ADGRE1: variants seen among roughly 807,000 people sequenced by gnomAD.
ADGRE1 encodes adhesion G protein-coupled receptor E1, also known as EGF-like module receptor 1.
Under a neutral mutation model 102.7 loss-of-function variants are expected in ADGRE1, and 82 were observed. The ratio of observed to expected loss-of-function variants is 0.80; its 90% confidence interval spans 0.67 to 0.96. The LOEUF (loss-of-function observed/expected upper bound fraction) is 0.96. Ranked by LOEUF, ADGRE1 falls within the 40% of genes least tolerant of loss-of-function variation. ADGRE1 has a pLI of 0.00. For synonymous variants in ADGRE1, 398 were observed against 399.6 expected (o/e 1.00, Z 0.05); for missense variants, 1,032 against 1,085.3 (o/e 0.95, Z 0.69).
At chr19:6,927,758 T>C (rs1974980586) in intron 16 of ADGRE1, among the ~76,000 whole-genome samples, 1 of 151,866 alleles carries the variant, frequency 6.6e-6, no homozygotes, top group African/African-American at 2.4e-5. Context: ...ACCTCCTGGG[T>C]TCAAGCGATT....
chr19:6,909,883 C>T (rs917633089), intron 10 of ADGRE1, among the ~76,000 whole-genome samples: 10 of 152,130 alleles, frequency 6.6e-5, no homozygotes, highest in Middle Eastern at 3.4e-3. Flanking sequence ...TACAGGCATG[C>T]GCCACCATGC....
At chr19:6,889,659 A>T (rs1193224711) in intron 1 of ADGRE1, among the ~76,000 whole-genome samples, 1 of 141,588 alleles carries the variant, frequency 7.1e-6, no homozygotes, top group African/African-American at 2.7e-5. Context: ...ACTGCACTCC[A>T]GCCTGGTGAC....
At chr19:6,939,270 G>GATATATGTATATA (rs1975573199) in intron 20 of ADGRE1, among the ~76,000 whole-genome samples, 1 of 152,176 alleles carries the variant, frequency 6.6e-6, no homozygotes. Flanking sequence ...GAAAAAGACA[G>GATATATGTATATA]TATAGGTATA....
chr19:6,910,777 T>C (rs1974148700), intron 10 of ADGRE1, among the ~76,000 whole-genome samples: 1 of 152,074 alleles, frequency 6.6e-6, no homozygotes. Context: ...TTCACCATGT[T>C]GGCCAGGCTG....
At chr19:6,931,315 G>C (rs917146759) in intron 17 of ADGRE1, among the ~76,000 whole-genome samples, 1 of 152,064 alleles carries the variant, frequency 6.6e-6, no homozygotes, top group Non-Finnish European at 1.5e-5. Context: ...TTAATGGGGG[G>C]CATGTATTAA....
chr19:6,898,692 C>G (rs1050291050), intron 5 of ADGRE1: 2 of 968,294 alleles, frequency 2.1e-6, no homozygotes, highest in Admixed American at 2.3e-5. Context: ...TCTCTAGAAA[C>G]TCTATCTCTT....
At chr19:6,902,314 T>C (rs1002856272) in intron 6 of ADGRE1, among the ~76,000 whole-genome samples, 7 of 152,190 alleles carry the variant, frequency 4.6e-5, no homozygotes, top group African/African-American at 1.4e-4. Flanking sequence ...ATAGCACCCA[T>C]GAACAAACAG....
intron 10 of ADGRE1, 43 bp from the exon 11 acceptor site, chr19:6,913,610 T>TGAGA (rs754961038): frequency 1.4e-6 from 2 of 1,471,074 alleles, no homozygotes; most frequent in Non-Finnish European, 1.8e-6. Context: ...ATTTCATTAA[T>TGAGA]GAGAGAGAGA....
Position 6,937,614 on chromosome 19 carries a change from T to C in ADGRE1, c.2621T>C (p.Ile874Thr), listed in dbSNP as rs186352511. The change falls in exon 20 of 21, where the codon ATC (isoleucine) becomes ACC (threonine). Residue 874 changes from isoleucine to threonine, a missense_variant. Transcript: ENST00000312053. ...KPSSQSQTSR[I>T]LLSSMPSASK... ...AGCTCCCAGTCCCAGACCTCAAGGATCTTGCTGTCCTCCATGCCATCCGCT... is the reference window on the plus strand; with the variant it reads ...AGCTCCCAGTCCCAGACCTCAAGGACCTTGCTGTCCTCCATGCCATCCGCT... 46 of 1,613,968 alleles carry C rather than the reference T, an allele frequency of 2.9e-5. No individual in the cohort carries two copies. In the Admixed American group the frequency reaches 6.0e-4, roughly 21 times the overall value.
At position 6,897,234 on chromosome 19, in the gene ADGRE1, T is replaced by C; in HGVS notation, c.324T>C (p.Cys108=). The change falls in exon 4 of 21, where the codon TGT becomes TGC. Residue 108 remains cysteine, a synonymous_variant. Transcript: ENST00000312053. ...TGTCAGGGAGGTACAAGTGCAGCTGTTTAGATGGTTTCTCTTCTCCCACTG... is the reference window on the plus strand; with the variant it reads ...TGTCAGGGAGGTACAAGTGCAGCTGCTTAGATGGTTTCTCTTCTCCCACTG... The part of the protein sequence containing the change: ...KNLSGRYKCS[C]LDGFSSPTGN... The C allele has an allele frequency of 6.2e-7, 1 of 1,613,766 alleles. No homozygotes were observed. Among genetic ancestry groups the C allele is most frequent in the Non-Finnish European group, 8.5e-7 (1 of 1,179,954 alleles).
intron 19 of ADGRE1, 48 bp downstream of exon 19, chr19:6,937,459 C>T (rs572913264): frequency 1.3e-6 from 2 of 1,585,906 alleles, no homozygotes; most frequent in South Asian, 2.2e-5. Flanking sequence ...TCCCCCTCTC[C>T]CCCCTTCCCC....
At chr19:6,928,092 T>C in intron 16 of ADGRE1, 53 bp from the exon 17 acceptor site, 1 of 1,578,836 alleles carries the variant, frequency 6.3e-7, no homozygotes, top group Non-Finnish European at 8.6e-7. Context: ...CAGGGTTAAC[T>C]GTAAGGTCAG....
chr19:6,935,097 T>TC lies in ADGRE1; in HGVS notation c.2381+26dup, dbSNP rs769143262. On this transcript the variant is annotated intron_variant, in intron 18 of 20. Coordinates refer to ENST00000312053, the MANE Select transcript of ADGRE1 (RefSeq NM_001974.5). ...ACACCAGGTAAAGCCCTCTTTCACC[T>TC]CCCCCCCTCTTTTAATTTCCTCTTT... is the stretch of plus-strand genomic sequence containing the variant. 4.2e-5 allele frequency: 62 copies of TC among 1,476,270 alleles called. No homozygotes were observed. In the Admixed American group the frequency reaches 8.7e-4, roughly 21 times the overall value. 91.4% of individuals were successfully genotyped at this position (1,476,270 alleles called of 1,614,324 possible).
At chr19:6,926,284 C>A in intron 15 of ADGRE1, 82 bp from the exon 16 acceptor site, 2 of 1,461,612 alleles carry the variant, frequency 1.4e-6, no homozygotes, top group South Asian at 1.2e-5. Context: ...GAATTTCCAG[C>A]CGAGGAGTCT....
chr19:6,907,272 G>C (rs908139754), intron 9 of ADGRE1, among the ~76,000 whole-genome samples: 1 of 151,970 alleles, frequency 6.6e-6, no homozygotes, highest in African/African-American at 2.4e-5. Flanking sequence ...CTATTTTAAA[G>C]TGTGCAATTC....
At chr19:6,898,773 G>C (rs559113725) in intron 5 of ADGRE1, 58 of 518,150 alleles carry the variant, frequency 1.1e-4, no homozygotes, top group Admixed American at 4.6e-4. Flanking sequence ...ATTTTCTCAT[G>C]TAGGGATGAG....
intron 5 of ADGRE1, chr19:6,898,814 T>C (rs1973665011): frequency 1.4e-5 from 6 of 431,720 alleles, no homozygotes; most frequent in Non-Finnish European, 2.5e-5. Flanking sequence ...TAAAAATATA[T>C]AGTTGCCTAT....
chr19:6,937,735 T>C (rs1031802652), intron 20 of ADGRE1, 87 bp downstream of exon 20: 24 of 1,277,768 alleles, frequency 1.9e-5, no homozygotes, highest in African/African-American at 1.8e-4. Context: ...TGTTGGGTAC[T>C]GAATGGGAGC....
intron 8 of ADGRE1, among the ~76,000 whole-genome samples, chr19:6,905,037 C>T (rs116768723): frequency 5.1e-4 from 78 of 152,082 alleles, no homozygotes; most frequent in African/African-American, 1.9e-3. Context: ...TCTGCAGGGT[C>T]TTGGTGGCTT....
Sources: allele counts gnomAD v4.1 joint callset (sites outside exome capture counted in the v4.1 genomes callset), GRCh38; gene constraint gnomAD v4.1.1; transcripts MANE v1.5; gene names NCBI Gene and HGNC (gene_info 2026-07-23, HGNC 2026-07-21).